The following ANKRD10 variants were observed in gnomAD, a reference collection of about 807,000 sequenced individuals.
The protein encoded by ANKRD10 is ankyrin repeat domain 10.
A neutral mutation model predicts 27.0 loss-of-function variants in ANKRD10; 14 were observed. That is an observed-to-expected ratio of 0.52 (90% confidence interval 0.34 to 0.81). ANKRD10 has a LOEUF of 0.81. ANKRD10 is among the 40% of genes least tolerant of loss of function. ANKRD10 has a pLI of 0.01. For missense variants in ANKRD10, 493 were observed against 544.0 expected, an observed-to-expected ratio of 0.91 and a Z score of 0.93; for synonymous variants, 250 against 224.5, an observed-to-expected ratio of 1.11 and a Z score of -1.01.
intron 1 of ANKRD10, among the ~76,000 whole-genome samples, chr13:110,913,845 AT>A (rs2065794875): frequency 2.6e-5 from 4 of 152,202 alleles, no homozygotes; most frequent in Admixed American, 2.6e-4. Flanking sequence ...GTGAAATCTT[AT>A]TTAAGATTTC....
chr13:110,914,384 G>GCGCGCGCT, intron 1 of ANKRD10: 1 of 184,838 alleles, frequency 5.4e-6, no homozygotes, highest in Non-Finnish European at 1.1e-5. Context: ...ATCCGCGCGC[G>GCGCGCGCT]CGCGCGCTCG....
intron 3 of ANKRD10, chr13:110,903,947 T>C (rs1202417990): frequency 2.0e-5 from 3 of 152,204 alleles, no homozygotes; most frequent in Admixed American, 6.5e-5. Context: ...GGGAATAAAA[T>C]AGACCTAGTA....
At position 110,914,885 on chromosome 13, in the gene ANKRD10, T is replaced by C. The variant is rs2065845193; in HGVS notation, c.50A>G (p.Glu17Gly). The C allele has an allele frequency of 6.5e-7, 1 of 1,542,544 alleles. No homozygotes were observed. Among genetic ancestry groups the C allele is most frequent in the Non-Finnish European group, 8.7e-7 (1 of 1,147,400 alleles). Residue 17 changes from glutamate to glycine, a missense_variant, in exon 1 of 6, where the codon GAG (glutamate) becomes GGG (glycine). Transcript: ENST00000267339. ...GAGVEAGFSS[E>G]ELLSLRFPLH... ...CGGGAAACGGAGCGAGAGCAGCTCC[T>C]CGCTGGAGAAGCCCGCCTCTACGCC...
At chr13:110,903,769 T>C (rs540758375) in intron 3 of ANKRD10, among the ~76,000 whole-genome samples, 1 of 152,304 alleles carries the variant, frequency 6.6e-6, no homozygotes, top group South Asian at 2.1e-4. Flanking sequence ...AAATTTATAT[T>C]ATCTCCTAAA....
At chr13:110,880,968 T>C (rs1009253442) in intron 5 of ANKRD10, among the ~76,000 whole-genome samples, 1 of 152,202 alleles carries the variant, frequency 6.6e-6, no homozygotes, top group African/African-American at 2.4e-5. Context: ...GGAAAAAATG[T>C]TGGTAGTTTA....
Position 110,914,791 on chromosome 13 carries a change from G to A in ANKRD10, c.144C>T (p.Ala48=). 6.3e-7 allele frequency: 1 copy of A among 1,596,504 alleles called. No individual in the cohort carries two copies. Among genetic ancestry groups the A allele is most frequent in the Admixed American group, 1.7e-5 (1 of 58,080 alleles). ...LCSLLQQTPH[A]HLASEDSFYG... The stretch of plus-strand genomic sequence containing the variant: ...AGAAGGAGTCCTCAGAGGCCAGGTG[G>A]GCGTGGGGTGTCTGCTGCAGCAGCG... Residue 48 remains alanine (A), a synonymous_variant, in exon 1 of 6, where the codon GCC becomes GCT. Transcript: ENST00000267339.
intron 5 of ANKRD10, 39 bp from the exon 6 acceptor site, chr13:110,880,151 C>A: frequency 6.5e-7 from 1 of 1,534,018 alleles, no homozygotes; most frequent in Non-Finnish European, 8.9e-7. Flanking sequence ...AATTCAGAAC[C>A]AATGAGGGAG....
chr13:110,900,830 A>G (rs1190485122), intron 3 of ANKRD10: 1 of 479,196 alleles, frequency 2.1e-6, no homozygotes, highest in African/African-American at 2.0e-5. Flanking sequence ...GATTAAAAAT[A>G]CATAGACAAC....
At chr13:110,909,425 A>C (rs537771410) in intron 2 of ANKRD10, among the ~76,000 whole-genome samples, 107 of 152,304 alleles carry the variant, frequency 7.0e-4, no homozygotes, top group Non-Finnish European at 1.3e-3. Flanking sequence ...GTAATTCATA[A>C]CTCTCGAATT....
At chr13:110,896,315 A>G (rs1337667547) in intron 3 of ANKRD10, among the ~76,000 whole-genome samples, 1 of 152,376 alleles carries the variant, frequency 6.6e-6, no homozygotes, top group Admixed American at 6.5e-5. Context: ...GAACATTTCA[A>G]TTCTATCATT....
At position 110,879,390 on chromosome 13, in the gene ANKRD10, C is replaced by T; in HGVS notation, c.*247G>A. ...AAAAAGACAATGTTGAGATTGGCAT[C>T]AGAAAAACTCCAAAAGTGCACCTTA... is the stretch of plus-strand genomic sequence containing the variant. On this transcript the variant is annotated 3_prime_UTR_variant, in exon 6 of 6. Transcript: ENST00000267339. The T allele has an allele frequency of 2.1e-6, 1 of 479,752 alleles. No homozygotes were observed. The highest frequency in any genetic ancestry group is 3.7e-6 in the Non-Finnish European group (1 of 268,072). The allele number at this position is 479,752 out of a possible 1,614,324, so 29.7% of individuals were successfully genotyped here. A position where few individuals can be genotyped will look rare whatever the true frequency, so the allele number is the denominator to read the frequency against.
intron 2 of ANKRD10, among the ~76,000 whole-genome samples, chr13:110,908,244 A>G (rs1566492435): frequency 6.6e-6 from 1 of 152,224 alleles, no homozygotes; most frequent in Non-Finnish European, 1.5e-5. Context: ...CTAGATATGA[A>G]AAATTAAAGA....
chr13:110,893,270 A>G lies in ANKRD10; in HGVS notation c.456-7T>C. ...GCCACTGGCATTTCTCAGGCTGTAC[A>G]ACACAAAAACACTGAATTACACCCC... On this transcript the variant is annotated splice_region_variant and splice_polypyrimidine_tract_variant and intron_variant, in intron 3 of 5. Transcript: ENST00000267339. The G allele has an allele frequency of 6.2e-7, 1 of 1,613,220 alleles. No homozygotes were observed. The highest frequency in any genetic ancestry group is 8.5e-7 in the Non-Finnish European group (1 of 1,179,328).
chr13:110,894,167 G>C, intron 3 of ANKRD10: 5 of 1,612,258 alleles, frequency 3.1e-6, no homozygotes, highest in Non-Finnish European at 4.2e-6. Flanking sequence ...AAGTTCCCCT[G>C]GAAGACAAGA....
At chr13:110,914,151 AG>A (rs1454262029) in intron 1 of ANKRD10, among the ~76,000 whole-genome samples, 20 of 152,292 alleles carry the variant, frequency 1.3e-4, no homozygotes, top group African/African-American at 4.6e-4. Context: ...GGGGCCTTCC[AG>A]TCCCGCCGGG....
At chr13:110,911,145 G>A (rs2065690650) in intron 1 of ANKRD10, among the ~76,000 whole-genome samples, 1 of 152,202 alleles carries the variant, frequency 6.6e-6, no homozygotes, top group Admixed American at 6.5e-5. Context: ...TAAAGGGATT[G>A]GTGGGTTAAA....
At chr13:110,885,650 G>C (rs1053024925) in intron 4 of ANKRD10, among the ~76,000 whole-genome samples, 95 of 152,276 alleles carry the variant, frequency 6.2e-4, no homozygotes, top group Middle Eastern at 3.4e-3. Context: ...CAACCTCCAG[G>C]AGCCTTCATG....
intron 2 of ANKRD10, among the ~76,000 whole-genome samples, chr13:110,909,089 G>A (rs1186342293): frequency 3.9e-5 from 6 of 152,116 alleles, no homozygotes; most frequent in Non-Finnish European, 5.9e-5. Context: ...ATACTGAACT[G>A]CCATAAGACA....
chr13:110,913,124 C>T (rs750223911), intron 1 of ANKRD10, among the ~76,000 whole-genome samples: 2 of 152,206 alleles, frequency 1.3e-5, no homozygotes, highest in African/African-American at 2.4e-5. Context: ...CAAGTGGAGG[C>T]ACCACTGGAT....
Sources: gnomAD v4.1 joint callset for allele counts (sites outside exome capture counted in the v4.1 genomes callset) on GRCh38, gnomAD v4.1.1 for gene constraint, MANE v1.5 for transcripts, NCBI Gene and HGNC (gene_info 2026-07-23, HGNC 2026-07-21) for gene names.